The following CDH18 variants were observed in gnomAD, a reference collection of about 807,000 sequenced individuals.
CDH18 encodes the protein cadherin-18.
CDH18 carries 31 observed loss-of-function variants against 67.9 expected under a neutral mutation model. The observed-to-expected ratio is 0.46, with a 90% CI of 0.34 to 0.62. The LOEUF (loss-of-function observed/expected upper bound fraction) is 0.62, where lower values mean the gene tolerates loss of function less well. Ranked by LOEUF, CDH18 falls within the 20% of genes least tolerant of loss-of-function variation. CDH18 has a pLI of 0.01. For synonymous variants in CDH18, 362 were observed against 347.2 expected (o/e 1.04, Z -0.48); for missense variants, 890 against 975.5 (o/e 0.91, Z 1.17).
rs118105068 is a variant in CDH18 at position 19,986,378 on chromosome 5, T to C, written c.-376+1708A>G. On this transcript the variant is annotated intron_variant, in intron 1 of 12. Coordinates refer to ENST00000382275, the MANE Select transcript of CDH18 (RefSeq NM_004934.5). ...CTACTATTATATTCTCCTTTGCTAT[T>C]GGGTTATCTTCAGCTGGGCATTTCT... Among the ~76,000 whole-genome samples the C allele has an allele frequency of 1.0e-3, 153 of 152,348 alleles. 3 individuals carry two copies. The East Asian group carries it at 0.025, about 24-fold the overall frequency.
intron 1 of CDH18, among the ~76,000 whole-genome samples, chr5:20,277,752 C>T (rs779114219): frequency 4.0e-5 from 6 of 151,856 alleles, no homozygotes; most frequent in Non-Finnish European, 5.9e-5. Context: ...TGAGGAAACT[C>T]AATGAAATTC....
rs538553844 is a variant in CDH18 at position 19,476,737 on chromosome 5, A to G, written c.1883-3021T>C. Among the ~76,000 whole-genome samples, 8 of 152,168 alleles carry G rather than the reference A, an allele frequency of 5.3e-5. No individual in the cohort carries two copies. In the South Asian group the frequency reaches 1.7e-3, roughly 32 times the overall value. ...AATAAATCAAGTTATTTTCTTTTAT[A>G]TTGAATTGGTTGGTGGTTGATGTCA... On this transcript the variant is annotated intron_variant, in intron 12 of 12. Coordinates refer to ENST00000382275, the MANE Select transcript of CDH18 (RefSeq NM_004934.5).
At chr5:20,030,030 G>T (rs1448579812) in intron 2 of CDH18, among the ~76,000 whole-genome samples, 1 of 152,128 alleles carries the variant, frequency 6.6e-6, no homozygotes, top group Non-Finnish European at 1.5e-5. Flanking sequence ...GCCACCCTCA[G>T]CTCCCGGAGG....
chr5:20,462,314 C>T (rs970011830), intron 1 of CDH18, among the ~76,000 whole-genome samples: 3 of 151,822 alleles, frequency 2.0e-5, no homozygotes, highest in African/African-American at 2.4e-5. Flanking sequence ...AAGTTGATCT[C>T]GTGGAAGTAG....
At chr5:20,391,531 C>T (rs983248065) in intron 1 of CDH18, among the ~76,000 whole-genome samples, 6 of 151,938 alleles carry the variant, frequency 3.9e-5, no homozygotes, top group African/African-American at 1.4e-4. Flanking sequence ...AGATTTCATG[C>T]TTAATATCTT....
chr5:19,620,222 G>C (rs1750485122), intron 5 of CDH18, among the ~76,000 whole-genome samples: 1 of 152,194 alleles, frequency 6.6e-6, no homozygotes, highest in Admixed American at 6.5e-5. Flanking sequence ...GAGGAGAAAA[G>C]GAAGGATAAT....
intron 4 of CDH18, among the ~76,000 whole-genome samples, chr5:19,725,988 A>T (rs1332698453): frequency 6.6e-6 from 1 of 152,228 alleles, no homozygotes; most frequent in Non-Finnish European, 1.5e-5. Context: ...TCCAAATAGC[A>T]GTCCCTGGGC....
At chr5:19,685,912 T>C (rs1181982654) in intron 5 of CDH18, among the ~76,000 whole-genome samples, 3 of 152,120 alleles carry the variant, frequency 2.0e-5, no homozygotes, top group African/African-American at 7.2e-5. Context: ...TAGACTTTCT[T>C]CCACACTCCA....
chr5:20,082,931 T>C (rs999719249), intron 2 of CDH18, among the ~76,000 whole-genome samples: 4 of 152,212 alleles, frequency 2.6e-5, no homozygotes, highest in African/African-American at 9.6e-5. Context: ...TTTGGACTTG[T>C]ACCCTTTGGA....
Position 20,529,501 on chromosome 5 carries a change from G to A in CDH18, c.-580+45961C>T, listed in dbSNP as rs375929153. On this transcript the variant is annotated intron_variant, in intron 1 of 14. Coordinates refer to the CDH18 transcript ENST00000507958. ...TGCAAGAATCCCCAATAAAATACTG[G>A]CAAACTGAATCCAGCAGCACGTCTA... is the stretch of plus-strand genomic sequence containing the variant. 9.9e-5 allele frequency among the ~76,000 whole-genome samples: 15 copies of A among 152,084 alleles called. No homozygotes were observed. The South Asian group carries it at 3.1e-3, about 32-fold the overall frequency.
chr5:20,464,187 ACAAAC>A (rs975047179), intron 1 of CDH18, among the ~76,000 whole-genome samples: 3 of 152,206 alleles, frequency 2.0e-5, no homozygotes, highest in Admixed American at 6.5e-5. Context: ...GTAGATATTG[ACAAAC>A]CAATCAAAAA....
chr5:20,146,957 T>C (rs1254955212), intron 2 of CDH18, among the ~76,000 whole-genome samples: 1 of 152,084 alleles, frequency 6.6e-6, no homozygotes. Flanking sequence ...AAATTGCAAA[T>C]TAAAAACAAT....
chr5:19,956,635 C>A (rs1470505777), intron 2 of CDH18, among the ~76,000 whole-genome samples: 1 of 151,402 alleles, frequency 6.6e-6, no homozygotes. Flanking sequence ...AATTCTTTAT[C>A]AAATTGTTAA....
At chr5:20,332,696 C>G (rs1481341024) in intron 1 of CDH18, among the ~76,000 whole-genome samples, 1 of 152,144 alleles carries the variant, frequency 6.6e-6, no homozygotes, top group African/African-American at 2.4e-5. Flanking sequence ...CAAAACAATT[C>G]TAATATTAAA....
At chr5:19,942,960 G>A (rs1162375903) in intron 2 of CDH18, among the ~76,000 whole-genome samples, 1 of 152,140 alleles carries the variant, frequency 6.6e-6, no homozygotes, top group Non-Finnish European at 1.5e-5. Context: ...GGCTAAGGCT[G>A]TCTTCTGATA....
At chr5:19,601,776 G>T (rs1747173423) in intron 6 of CDH18, among the ~76,000 whole-genome samples, 1 of 151,468 alleles carries the variant, frequency 6.6e-6, no homozygotes, top group Non-Finnish European at 1.5e-5. Context: ...TTTTTTTCCT[G>T]GAATACAAGC....
intron 1 of CDH18, among the ~76,000 whole-genome samples, chr5:20,374,220 C>G (rs2150089151): frequency 6.6e-6 from 1 of 152,288 alleles, no homozygotes; most frequent in East Asian, 1.9e-4. Context: ...ACCCAACTAC[C>G]TCAACTCAGG....
chr5:20,288,630 T>G (rs1199414753), intron 1 of CDH18, among the ~76,000 whole-genome samples: 1 of 151,688 alleles, frequency 6.6e-6, no homozygotes. Flanking sequence ...GAACAAACCA[T>G]CAAACCAACG....
intron 5 of CDH18, among the ~76,000 whole-genome samples, chr5:19,678,849 C>T (rs555602817): frequency 6.6e-6 from 1 of 152,036 alleles, no homozygotes; most frequent in African/African-American, 2.4e-5. Flanking sequence ...CAGATGGATT[C>T]ACAGCGAGTT....
Sources: gnomAD v4.1 joint callset for allele counts (sites outside exome capture counted in the v4.1 genomes callset) on GRCh38, gnomAD v4.1.1 for gene constraint, MANE v1.5 for transcripts, NCBI Gene and HGNC (gene_info 2026-07-23, HGNC 2026-07-21) for gene names.